Variants in STS observed in about 807,000 individuals in gnomAD.
STS encodes the protein steroid sulfatase.
STS carries 7 observed loss-of-function variants against 26.8 expected under a neutral mutation model. The ratio of observed to expected loss-of-function variants is 0.26; its 90% CI spans 0.15 to 0.49. STS has a LOEUF of 0.49. STS is among the 20% of genes least tolerant of loss of function. The pLI, the probability that STS is intolerant of heterozygous loss-of-function variation, is 0.98. For synonymous variants in STS, 199 were observed against 189.4 expected (o/e 1.05, Z -0.42); for missense variants, 434 against 465.6 (o/e 0.93, Z 0.63).
intron 2 of STS, among the ~76,000 whole-genome samples, chrX:7,205,548 G>T (rs1020641632): frequency 9.0e-6 from 1 of 111,056 alleles, no homozygotes. Flanking sequence ...GGAGGGGTTG[G>T]CTGGTATAAA....
At chrX:7,295,535 G>T (rs1158397765) in intron 7 of STS, among the ~76,000 whole-genome samples, 1 of 110,897 alleles carries the variant, frequency 9.0e-6, no homozygotes, top group African/African-American at 3.3e-5. Flanking sequence ...TCATAGATGA[G>T]AAAACGTCTA....
chrX:7,284,065 T>C (rs1421056189), intron 7 of STS, among the ~76,000 whole-genome samples: 1 of 111,051 alleles, frequency 9.0e-6, no homozygotes, highest in Admixed American at 9.6e-5. Flanking sequence ...TAGGGCTGAT[T>C]ATCTTTATTC....
intron 2 of STS, among the ~76,000 whole-genome samples, chrX:7,246,340 C>T (rs1049376310): frequency 8.4e-5 from 9 of 107,656 alleles, no homozygotes; most frequent in African/African-American, 1.7e-4. Context: ...CTCGCTCTGT[C>T]GCTCAGGCTG....
intron 7 of STS, among the ~76,000 whole-genome samples, chrX:7,284,795 A>G (rs1420653503): frequency 8.9e-6 from 1 of 112,118 alleles, no homozygotes; most frequent in African/African-American, 3.2e-5. Flanking sequence ...GATGGCTAAG[A>G]ATGGATTATA....
chrX:7,282,629 C>T (rs1924926735), intron 7 of STS, among the ~76,000 whole-genome samples: 1 of 112,681 alleles, frequency 8.9e-6, no homozygotes, highest in African/African-American at 3.2e-5. Context: ...ACAAAAACAG[C>T]TCTCCTTGCA....
chrX:7,257,466 G>A lies in STS; in HGVS notation c.260G>A (p.Gly87Glu). The stretch of plus-strand genomic sequence containing the variant: ...AAGGGTTGATTTTTTCCTGGTCCAG[G>A]AATGGCATCTTGGTCCCGCACTGGA... ...FMTGRYPVRS[G>E]MASWSRTGVF... The change falls in exon 5 of 11, where the codon GGA becomes GAA. Residue 87 changes from glycine (G) to glutamate (E), a missense_variant and splice_region_variant. Physicochemically the swap from Gly to Glu is moderately conservative, Grantham distance 98. Around this residue, in one of 2 missense-constraint regions of STS, gnomAD observed 229 missense variants for 288.3 expected, o/e 0.79. Coordinates refer to ENST00000674429, the MANE Select transcript of STS (RefSeq NM_001320752.2). The A allele has an allele frequency of 8.2e-7, 1 of 1,212,228 alleles. No homozygotes were observed. Among genetic ancestry groups the A allele is most frequent in the Non-Finnish European group, 1.1e-6 (1 of 895,550 alleles).
intron 2 of STS, among the ~76,000 whole-genome samples, chrX:7,245,864 T>C (rs914663112): frequency 8.9e-5 from 10 of 112,165 alleles, no homozygotes; most frequent in African/African-American, 3.2e-4. Flanking sequence ...CTCCTCTCAT[T>C]CTTCAGCCTT....
chrX:7,225,396 G>A (rs1420669782), intron 2 of STS, among the ~76,000 whole-genome samples: 1 of 111,273 alleles, frequency 9.0e-6, no homozygotes, highest in African/African-American at 3.3e-5. Flanking sequence ...AAAGGGAAAC[G>A]GCACATGGGG....
intron 10 of STS, among the ~76,000 whole-genome samples, chrX:7,344,550 C>T (rs1359866253): frequency 1.8e-5 from 2 of 111,438 alleles, no homozygotes; most frequent in Non-Finnish European, 3.8e-5. Context: ...AGAGACAGCT[C>T]CTCTGTGCTG....
chrX:7,350,474 T>G lies in STS; in HGVS notation c.*213T>G. On this transcript the variant is annotated 3_prime_UTR_variant, in exon 11 of 11. Coordinates refer to ENST00000674429, the MANE Select transcript of STS (RefSeq NM_001320752.2). ...GGTCTGTAGTATACAGACAGGAAGA[T>G]GGTAGGTTTATGCCTTCTGTGGCCA... 2.1e-6 allele frequency: 1 copy of G among 477,964 alleles called. No homozygotes were observed. The highest frequency in any genetic ancestry group is 3.7e-5 in the East Asian group (1 of 26,769). 39.4% of individuals were successfully genotyped at this position (477,964 alleles called of 1,213,427 possible). A position where few individuals can be genotyped will look rare whatever the true frequency, so the allele number is the denominator to read the frequency against.
At chrX:7,295,449 T>G (rs1346862218) in intron 7 of STS, among the ~76,000 whole-genome samples, 1 of 111,435 alleles carries the variant, frequency 9.0e-6, no homozygotes, top group Non-Finnish European at 1.9e-5. Flanking sequence ...TTGTTATGAT[T>G]ACTCTTCTTT....
chrX:7,229,443 C>T (rs776112554), intron 2 of STS, among the ~76,000 whole-genome samples: 1 of 111,621 alleles, frequency 9.0e-6, no homozygotes, highest in Admixed American at 9.5e-5. Context: ...TCTTTGTTTT[C>T]TGTCTTGCCC....
chrX:7,326,132 G>T (rs1169579203), intron 9 of STS, among the ~76,000 whole-genome samples: 3 of 110,782 alleles, frequency 2.7e-5, no homozygotes, highest in African/African-American at 9.9e-5. Context: ...CAGGAGGGCA[G>T]GAGAAAGTCA....
intron 2 of STS, among the ~76,000 whole-genome samples, chrX:7,242,659 A>G (rs1306173619): frequency 2.7e-5 from 3 of 112,076 alleles, no homozygotes; most frequent in Non-Finnish European, 5.6e-5. Context: ...TTTATCTTCA[A>G]AATAATACTT....
At chrX:7,280,041 C>A (rs879179783) in intron 7 of STS, among the ~76,000 whole-genome samples, 1 of 111,982 alleles carries the variant, frequency 8.9e-6, no homozygotes, top group South Asian at 3.8e-4. Flanking sequence ...CACTTTGTTT[C>A]TTTTCTTTCC....
chrX:7,199,900 TA>T (rs201632125), intron 2 of STS, among the ~76,000 whole-genome samples: 1,448 of 110,690 alleles, frequency 0.013, 23 homozygotes, highest in African/African-American at 0.045. Flanking sequence ...AATTACCTAA[TA>T]AAACCCTTAG....
intron 2 of STS, among the ~76,000 whole-genome samples, chrX:7,198,974 T>C (rs969596301): frequency 3.6e-5 from 4 of 111,541 alleles, no homozygotes; most frequent in Non-Finnish European, 7.5e-5. Context: ...TCCTGCCATA[T>C]TTTCCTGTGT....
At chrX:7,328,992 G>A (rs982001736) in intron 9 of STS, among the ~76,000 whole-genome samples, 20 of 111,717 alleles carry the variant, frequency 1.8e-4, no homozygotes, top group African/African-American at 5.9e-4. Context: ...CACGACGCCC[G>A]GCCAGTTGAC....
At chrX:7,325,568 T>G (rs552461278) in intron 9 of STS, 70 bp downstream of exon 9, 1 of 1,144,317 alleles carries the variant, frequency 8.7e-7, no homozygotes, top group East Asian at 3.0e-5. Context: ...CTGGTTTGCC[T>G]GCATAATGGT....
Sources: allele counts gnomAD v4.1 joint callset (sites outside exome capture counted in the v4.1 genomes callset), GRCh38; gene constraint gnomAD v4.1.1; regional missense constraint gnomAD v4.1.1; transcripts MANE v1.5; gene names NCBI Gene and HGNC (gene_info 2026-07-23, HGNC 2026-07-21).